Variants in SFXN1 observed in about 807,000 individuals in gnomAD.
The protein encoded by SFXN1 is sideroflexin 1.
SFXN1 carries 32 observed loss-of-function variants against 39.5 expected under a neutral mutation model. That is an observed-to-expected ratio of 0.81 (90% CI 0.61 to 1.09). The LOEUF (loss-of-function observed/expected upper bound fraction) is 1.09, where lower values mean the gene tolerates loss of function less well. Ranked by LOEUF, SFXN1 falls within the 50% of genes least tolerant of loss-of-function variation. The probability of loss-of-function intolerance (pLI) is 0.00; values close to 1 mark genes in which losing one functional copy is unlikely to be tolerated. For synonymous variants in SFXN1, 136 were observed against 146.5 expected, an observed-to-expected ratio of 0.93 and a Z score of 0.52; for missense variants, 402 against 407.1, an observed-to-expected ratio of 0.99 and a Z score of 0.11.
chr5:175,522,001 CT>C, intron 9 of SFXN1, 33 bp downstream of exon 9: 1 of 1,552,156 alleles, frequency 6.4e-7, no homozygotes, highest in Non-Finnish European at 8.8e-7. Context: ...TAATTAATTT[CT>C]TTTAAAATAT....
chr5:175,517,196 T>C (rs1048192797), intron 8 of SFXN1, among the ~76,000 whole-genome samples: 11 of 152,224 alleles, frequency 7.2e-5, no homozygotes, highest in African/African-American at 2.7e-4. Context: ...TAAAAGCAGT[T>C]AGCCCCGTCT....
chr5:175,506,219 A>G (rs943789899), intron 2 of SFXN1, among the ~76,000 whole-genome samples: 18 of 152,260 alleles, frequency 1.2e-4, no homozygotes, highest in African/African-American at 3.6e-4. Flanking sequence ...GAACATTTGT[A>G]TAATCTTTCT....
At chr5:175,485,426 G>T (rs1344123496) in intron 1 of SFXN1, among the ~76,000 whole-genome samples, 3 of 152,156 alleles carry the variant, frequency 2.0e-5, no homozygotes, top group African/African-American at 7.2e-5. Context: ...TCACAGCCCA[G>T]CATCACTCCA....
At chr5:175,503,845 A>G (rs976985730) in intron 2 of SFXN1, among the ~76,000 whole-genome samples, 1 of 152,160 alleles carries the variant, frequency 6.6e-6, no homozygotes, top group Non-Finnish European at 1.5e-5. Flanking sequence ...TCTACTAAAA[A>G]TACAAAAAAT....
At chr5:175,481,948 T>A (rs1415452268) in intron 1 of SFXN1, among the ~76,000 whole-genome samples, 5 of 152,228 alleles carry the variant, frequency 3.3e-5, no homozygotes. Flanking sequence ...TGAGTTAGTG[T>A]GATTGTCCTT....
intron 1 of SFXN1, among the ~76,000 whole-genome samples, chr5:175,479,693 T>C (rs1335374259): frequency 6.6e-6 from 1 of 152,198 alleles, no homozygotes; most frequent in Non-Finnish European, 1.5e-5. Flanking sequence ...CAATGAGTAT[T>C]TGTTGACTGC....
chr5:175,523,936 C>T (rs1387893385), intron 10 of SFXN1: 1 of 151,094 alleles, frequency 6.6e-6, no homozygotes, highest in Non-Finnish European at 1.5e-5. Context: ...CAAGCATGAC[C>T]CTGTTTTGCT....
At chr5:175,491,846 T>TTAAAATAC (rs1759666667) in intron 1 of SFXN1, 1 of 330,984 alleles carries the variant, frequency 3.0e-6, no homozygotes, top group Non-Finnish European at 5.4e-6. Context: ...CAAGTAAATA[T>TTAAAATAC]TAAAATACTA....
chr5:175,504,446 A>C (rs1264627096), intron 2 of SFXN1, among the ~76,000 whole-genome samples: 1 of 151,412 alleles, frequency 6.6e-6, no homozygotes, highest in Admixed American at 6.6e-5. Context: ...GTGGTGGCGC[A>C]CACCTGTAGT....
In SFXN1 at chr5:175,507,981, A is replaced by AATAAAAAT. The variant is rs1270052023; in HGVS notation, c.165-1050_165-1049insTAAAAATA. ...GAGTGAGACCCTGTCTTTAAAAAAAAAAAAAAAAAAATTCTTCCTGAACTA... is the reference window on the plus strand; with the variant it reads ...GAGTGAGACCCTGTCTTTAAAAAAAAATAAAAATAAAAAAAAAAATTCTTCCTGAACTA... On this transcript the variant is annotated intron_variant, in intron 2 of 10. Transcript: ENST00000321442. Among the ~76,000 whole-genome samples the AATAAAAAT allele has an allele frequency of 1.6e-3, 241 of 152,078 alleles. 3 individuals carry two copies. The highest frequency in any genetic ancestry group is 1.2e-3 in the Admixed American group (19 of 15,260).
chr5:175,520,701 G>A (rs931875227), intron 8 of SFXN1, among the ~76,000 whole-genome samples: 10 of 152,142 alleles, frequency 6.6e-5, no homozygotes, highest in African/African-American at 2.4e-4. Context: ...AGGGTCAAGA[G>A]CACAGGCTCT....
chr5:175,510,276 C>G (rs1485471161), intron 4 of SFXN1, 69 bp downstream of exon 4: 1 of 1,292,648 alleles, frequency 7.7e-7, no homozygotes, highest in Non-Finnish European at 1.1e-6. Flanking sequence ...GTGATACTCT[C>G]CTGTTTAAAA....
chr5:175,479,496 A>AC (rs967938479), intron 1 of SFXN1, among the ~76,000 whole-genome samples: 12 of 151,592 alleles, frequency 7.9e-5, no homozygotes, highest in African/African-American at 2.4e-4. Flanking sequence ...CTAAAATTGC[A>AC]CCCCCCATCC....
At chr5:175,511,864 C>CTCTCTCTCTCTCTCT (rs33977399) in intron 5 of SFXN1, among the ~76,000 whole-genome samples, 1 of 130,098 alleles carries the variant, frequency 7.7e-6, no homozygotes, top group African/African-American at 2.8e-5. Flanking sequence ...TCTCTCTCTC[C>CTCTCTCTCTCTCTCT]CCACTCCAAA....
At position 175,507,168 on chromosome 5, in the gene SFXN1, A is replaced by G. The variant is rs374685151; in HGVS notation, c.165-1864A>G. On this transcript the variant is annotated intron_variant, in intron 2 of 10. Coordinates refer to ENST00000321442, the MANE Select transcript of SFXN1 (RefSeq NM_022754.7). ...CATTGCTGTCATCTCTGCCTCCTTC[A>G]TTACTTGGCCTTCTTCTGTGTCTGA... is the stretch of plus-strand genomic sequence containing the variant. 1.5e-4 allele frequency among the ~76,000 whole-genome samples: 22 copies of G among 151,574 alleles called. No individual in the cohort carries two copies. In the East Asian group the frequency reaches 2.9e-3, roughly 20 times the overall value.
chr5:175,490,974 C>A (rs1269152442), intron 1 of SFXN1, among the ~76,000 whole-genome samples: 1 of 152,066 alleles, frequency 6.6e-6, no homozygotes, highest in Non-Finnish European at 1.5e-5. Context: ...TTTCAGAGTG[C>A]CTGGATTATG....
At chr5:175,511,610 C>A in intron 5 of SFXN1, 84 bp downstream of exon 5, 1 of 1,068,426 alleles carries the variant, frequency 9.4e-7, no homozygotes, top group Non-Finnish European at 1.4e-6. Context: ...ATTTCTTAAA[C>A]TAGTTCAAGT....
At chr5:175,500,403 AACACACACACACACACACACACACAC>A (rs4008099) in intron 2 of SFXN1, among the ~76,000 whole-genome samples, 5 of 127,226 alleles carry the variant, frequency 3.9e-5, no homozygotes, top group African/African-American at 1.1e-4. Context: ...CCTGTACACC[AACACACACACACACACACACACACAC>A]ACACACACAC....
chr5:175,511,137 C>A (rs891048188), intron 4 of SFXN1, among the ~76,000 whole-genome samples: 1 of 152,194 alleles, frequency 6.6e-6, no homozygotes, highest in African/African-American at 2.4e-5. Context: ...GCTTCCTACA[C>A]ACAGCTCCCC....
Sources: allele counts gnomAD v4.1 joint callset (sites outside exome capture counted in the v4.1 genomes callset), GRCh38; gene constraint gnomAD v4.1.1; transcripts MANE v1.5; gene names NCBI Gene and HGNC (gene_info 2026-07-23, HGNC 2026-07-21).